The following DLGAP2 variants were observed in gnomAD, a reference collection of about 807,000 sequenced individuals.
DLGAP2 encodes DLG associated protein 2.
DLGAP2 carries 26 observed loss-of-function variants against 100.3 expected under a neutral mutation model. The ratio of observed to expected loss-of-function variants is 0.26; its 90% CI spans 0.19 to 0.36. DLGAP2 has a LOEUF of 0.36. Ranked by LOEUF, DLGAP2 falls within the 10% of genes least tolerant of loss-of-function variation. DLGAP2 has a pLI of 1.00. For missense variants in DLGAP2, 1,858 were observed against 1,453.2 expected (o/e 1.28, Z -4.53); for synonymous variants, 886 against 630.1 (o/e 1.41, Z -6.08).
At chr8:949,142 C>A (rs1021890526) in intron 2 of DLGAP2, among the ~76,000 whole-genome samples, 4 of 152,196 alleles carry the variant, frequency 2.6e-5, no homozygotes, top group African/African-American at 9.6e-5. Context: ...TTTAGAGATA[C>A]AGCTGAAGGG....
chr8:1,474,162 T>C (rs912361008), intron 3 of DLGAP2, among the ~76,000 whole-genome samples: 4 of 152,224 alleles, frequency 2.6e-5, no homozygotes, highest in African/African-American at 4.8e-5. Context: ...GTTACTTCCC[T>C]TAGAATAATG....
chr8:935,368 T>C (rs1349695943), intron 2 of DLGAP2, among the ~76,000 whole-genome samples: 1 of 152,214 alleles, frequency 6.6e-6, no homozygotes, highest in Non-Finnish European at 1.5e-5. Context: ...GGTCTGTCCA[T>C]GTAAAGCATT....
chr8:1,630,365 G>A (rs577184317), intron 7 of DLGAP2, among the ~76,000 whole-genome samples: 1 of 152,250 alleles, frequency 6.6e-6, no homozygotes, highest in South Asian at 2.1e-4. Context: ...ACACTTAGGG[G>A]CTCTGGAGAG....
At chr8:766,819 C>G (rs1206292080) in intron 1 of DLGAP2, among the ~76,000 whole-genome samples, 1 of 152,134 alleles carries the variant, frequency 6.6e-6, no homozygotes, top group Non-Finnish European at 1.5e-5. Context: ...TCCTGAGGCT[C>G]GGCCAAAAGT....
chr8:1,166,278 C>T (rs542044104), intron 2 of DLGAP2, among the ~76,000 whole-genome samples: 1 of 152,194 alleles, frequency 6.6e-6, no homozygotes, highest in East Asian at 1.9e-4. Context: ...AGTCCCCGTG[C>T]AAGATGCACC....
At chr8:1,055,193 G>T (rs1802841351) in intron 2 of DLGAP2, among the ~76,000 whole-genome samples, 1 of 152,212 alleles carries the variant, frequency 6.6e-6, no homozygotes, top group Non-Finnish European at 1.5e-5. Flanking sequence ...CCAATTGTGT[G>T]ATTATGTGAT....
intron 2 of DLGAP2, among the ~76,000 whole-genome samples, chr8:1,132,149 T>G (rs1248261120): frequency 3.3e-5 from 5 of 152,224 alleles, no homozygotes; most frequent in African/African-American, 1.2e-4. Flanking sequence ...CCAACCTTAT[T>G]TGAGAGTAAA....
intron 2 of DLGAP2, among the ~76,000 whole-genome samples, chr8:971,327 T>A (rs1563121045): frequency 6.6e-6 from 1 of 152,230 alleles, no homozygotes; most frequent in Non-Finnish European, 1.5e-5. Flanking sequence ...AAGTCACCAC[T>A]GTTATCCTCC....
At chr8:1,334,918 G>A (rs533973203) in intron 3 of DLGAP2, among the ~76,000 whole-genome samples, 35 of 152,228 alleles carry the variant, frequency 2.3e-4, no homozygotes, top group Non-Finnish European at 4.3e-4. Flanking sequence ...CCCTCCCTGC[G>A]GGGCACAAGT....
In DLGAP2 at chr8:1,523,277, G is replaced by A. The variant is rs140018103; in HGVS notation, c.172+21846G>A. Reference sequence around the variant, plus strand: ...GGATTTGCTTGTCTGGCTTCTGCTGGGGCGCAGGATGTGGGGATGGAAGGA... The same window carrying A: ...GGATTTGCTTGTCTGGCTTCTGCTGAGGCGCAGGATGTGGGGATGGAAGGA... On this transcript the variant is annotated intron_variant, in intron 4 of 14. Transcript: ENST00000637795. Among the ~76,000 whole-genome samples the A allele has an allele frequency of 2.5e-3, 379 of 152,348 alleles. 1 individual carries two copies. Among genetic ancestry groups the A allele is most frequent in the African/African-American group, 8.5e-3 (352 of 41,590 alleles).
At chr8:1,210,280 C>T (rs1025822404) in intron 2 of DLGAP2, among the ~76,000 whole-genome samples, 2 of 152,120 alleles carry the variant, frequency 1.3e-5, no homozygotes, top group African/African-American at 2.4e-5. Context: ...GGAAGCATGG[C>T]AGGGATTCAG....
chr8:1,467,055 G>A (rs984922997), intron 3 of DLGAP2, among the ~76,000 whole-genome samples: 7 of 142,880 alleles, frequency 4.9e-5, no homozygotes, highest in African/African-American at 2.1e-4. Flanking sequence ...GGGTGATAAA[G>A]AAGACGGATG....
intron 2 of DLGAP2, among the ~76,000 whole-genome samples, chr8:1,033,740 TCA>T (rs1329561568): frequency 2.0e-5 from 3 of 149,906 alleles, no homozygotes; most frequent in African/African-American, 7.4e-5. Flanking sequence ...GCGAGTGGGT[TCA>T]CACACTCATC....
At position 1,707,845 on chromosome 8, in the gene DLGAP2, C is replaced by T. The variant is rs1452807771; in HGVS notation, c.*6439C>T. On this transcript the variant is annotated 3_prime_UTR_variant, in exon 15 of 15. Transcript: ENST00000637795. ...GAGGATGAGCAGAGTGCCAAATATTCAGCATCTGTACAAAGTCATTCACTG... is the reference window on the plus strand; with the variant it reads ...GAGGATGAGCAGAGTGCCAAATATTTAGCATCTGTACAAAGTCATTCACTG... The T allele has an allele frequency of 2.0e-5, 3 of 152,518 alleles. No individual in the cohort carries two copies. Among genetic ancestry groups the T allele is most frequent in the Non-Finnish European group, 2.9e-5 (2 of 68,018 alleles). The allele number at this position is 152,518 out of a possible 1,614,324, so 9.4% of individuals were successfully genotyped here. A position where few individuals can be genotyped will look rare whatever the true frequency, so the allele number is the denominator to read the frequency against.
intron 6 of DLGAP2, 109 bp from the exon 7 acceptor site, chr8:1,626,631 G>GTA (rs1797508367): frequency 7.3e-7 from 1 of 1,374,436 alleles, no homozygotes; most frequent in African/African-American, 1.5e-5. Context: ...TCCCACCTCT[G>GTA]CCCTGTGGTG....
intron 5 of DLGAP2, among the ~76,000 whole-genome samples, chr8:1,554,946 T>C (rs1016439733): frequency 6.6e-6 from 1 of 152,180 alleles, no homozygotes; most frequent in Admixed American, 6.5e-5. Flanking sequence ...GAGATTGCTG[T>C]GGTTGGTTCC....
chr8:1,354,185 C>T (rs1801796921), intron 3 of DLGAP2, among the ~76,000 whole-genome samples: 1 of 152,104 alleles, frequency 6.6e-6, no homozygotes, highest in South Asian at 2.1e-4. Context: ...ACCTGCTCAC[C>T]AGTGGGATGT....
chr8:1,129,614 T>A (rs1227275043), intron 2 of DLGAP2, among the ~76,000 whole-genome samples: 1 of 152,190 alleles, frequency 6.6e-6, no homozygotes. Context: ...AGTTTGCCAG[T>A]GTTGCCTCGT....
chr8:830,673 A>G (rs1026282390), intron 1 of DLGAP2, among the ~76,000 whole-genome samples: 2 of 151,766 alleles, frequency 1.3e-5, no homozygotes, highest in Admixed American at 6.6e-5. Context: ...TGCATGGTCT[A>G]TTTTCTCATT....
Sources: gnomAD v4.1 joint callset for allele counts (sites outside exome capture counted in the v4.1 genomes callset) on GRCh38, gnomAD v4.1.1 for gene constraint, MANE v1.5 for transcripts, NCBI Gene and HGNC (gene_info 2026-07-23, HGNC 2026-07-21) for gene names.